The following CRTC1 variants were observed in gnomAD, a reference collection of about 807,000 sequenced individuals.
The protein encoded by CRTC1 is CREB regulated transcription coactivator 1, also known as CREB-regulated transcription coactivator 1.
A neutral mutation model predicts 66.1 loss-of-function variants in CRTC1; 18 were observed. The observed-to-expected ratio is 0.27, with a 90% CI of 0.19 to 0.40. CRTC1 has a LOEUF of 0.40. Ranked by LOEUF, CRTC1 falls within the 10% of genes least tolerant of loss-of-function variation. The pLI is 1.00. For synonymous variants in CRTC1, 416 were observed against 398.8 expected (o/e 1.04, Z -0.51); for missense variants, 669 against 887.9 (o/e 0.75, Z 3.13).
At chr19:18,722,747 G>C (rs1480958070) in intron 1 of CRTC1, among the ~76,000 whole-genome samples, 1 of 152,162 alleles carries the variant, frequency 6.6e-6, no homozygotes, top group Admixed American at 6.5e-5. Context: ...CCCAGAGGGA[G>C]ACCTCACCCC....
At chr19:18,683,895 C>G (rs1294010377) in intron 1 of CRTC1, 67 bp downstream of exon 1, 1 of 314,088 alleles carries the variant, frequency 3.2e-6, no homozygotes, top group Non-Finnish European at 4.2e-6. Context: ...GTGTCCGGCG[C>G]GTGCACGGGG....
Position 18,752,448 on chromosome 19 carries a change from A to G in CRTC1, c.539-1052A>G, listed in dbSNP as rs1012854344. ...AGCCCTCCACCTCAGCCTCTCGCAT[A>G]GCTGGGACTACAGGTGAGCACCACC... On this transcript the variant is annotated intron_variant, in intron 5 of 13. Transcript: ENST00000321949. Among the ~76,000 whole-genome samples, 4 of 152,040 alleles carry G rather than the reference A, an allele frequency of 2.6e-5. No homozygotes were observed. The East Asian group carries it at 7.7e-4, about 29-fold the overall frequency.
intron 1 of CRTC1, among the ~76,000 whole-genome samples, chr19:18,696,565 A>T (rs1276451592): frequency 6.6e-6 from 1 of 152,078 alleles, no homozygotes; most frequent in East Asian, 1.9e-4. Context: ...AGGAGCTGGG[A>T]CTTGAACCTG....
chr19:18,724,244 G>A (rs1182276475), intron 1 of CRTC1, among the ~76,000 whole-genome samples: 1 of 152,094 alleles, frequency 6.6e-6, no homozygotes, highest in African/African-American at 2.4e-5. Context: ...GGGGTGTGTG[G>A]GTGCGTGGGG....
At chr19:18,776,563 T>G (rs977901202) in intron 13 of CRTC1, among the ~76,000 whole-genome samples, 8 of 152,052 alleles carry the variant, frequency 5.3e-5, no homozygotes, top group Non-Finnish European at 1.0e-4. Context: ...CCCTCGGGTG[T>G]AGGCAGCAGT....
In CRTC1 at chr19:18,781,759, G is replaced by C. The variant is rs1334767573; in HGVS notation, c.*4377G>C. ...GGGGCAGGGGCTGGGCCTTGGGGTGGTGCTGGCTCTGATGATTCCAGAGCC... is the reference window on the plus strand; with the variant it reads ...GGGGCAGGGGCTGGGCCTTGGGGTGCTGCTGGCTCTGATGATTCCAGAGCC... On this transcript the variant is annotated 3_prime_UTR_variant, in exon 14 of 14. Transcript: ENST00000321949. The C allele has an allele frequency of 4.3e-5, 10 of 230,988 alleles. No individual in the cohort carries two copies. Among genetic ancestry groups the C allele is most frequent in the Non-Finnish European group, 6.9e-5 (8 of 116,672 alleles). 14.3% of individuals were successfully genotyped at this position (230,988 alleles called of 1,614,324 possible).
intron 1 of CRTC1, among the ~76,000 whole-genome samples, chr19:18,693,542 T>TAGA: frequency 6.8e-6 from 1 of 148,130 alleles, no homozygotes; most frequent in African/African-American, 2.5e-5. Flanking sequence ...AGTGCAGCGG[T>TAGA]GTGATCTCAG....
rs2054277680 is a variant in CRTC1 at position 18,747,727 on chromosome 19, A to AGAGT, written c.443+613_443+614insGAGT. Among the ~76,000 whole-genome samples, 3 of 152,208 alleles carry AGAGT rather than the reference A, an allele frequency of 2.0e-5. No homozygotes were observed. The South Asian group carries it at 6.2e-4, about 31-fold the overall frequency. The stretch of plus-strand genomic sequence containing the variant: ...TTCAGAGCAGGTACCCATGTTACTC[A>AGAGT]ACAGCCATTAAAAATGTGATGATAA... On this transcript the variant is annotated intron_variant, in intron 4 of 13. Transcript: ENST00000321949.
intron 1 of CRTC1, among the ~76,000 whole-genome samples, chr19:18,684,917 G>A (rs556049190): frequency 6.6e-6 from 1 of 152,198 alleles, no homozygotes; most frequent in South Asian, 2.1e-4. Flanking sequence ...CCTTCCTCTT[G>A]GGGCAGGGTG....
chr19:18,713,217 T>C (rs2053431021), intron 1 of CRTC1, among the ~76,000 whole-genome samples: 3 of 152,210 alleles, frequency 2.0e-5, no homozygotes, highest in African/African-American at 4.8e-5. Flanking sequence ...CATTCTGCTG[T>C]ATGGATGGAG....
At chr19:18,755,470 C>A (rs1275226909) in intron 6 of CRTC1, among the ~76,000 whole-genome samples, 2 of 151,722 alleles carry the variant, frequency 1.3e-5, no homozygotes, top group Non-Finnish European at 2.9e-5. Context: ...TGCTCTGTTG[C>A]CCATGCTGGA....
At chr19:18,728,853 C>T (rs149988248) in intron 1 of CRTC1, among the ~76,000 whole-genome samples, 6,043 of 112,246 alleles carry the variant, frequency 0.054, 211 homozygotes, top group Non-Finnish European at 0.077. Flanking sequence ...TGCTCTGTCG[C>T]CCAGGCTGGA....
chr19:18,765,333 G>T, intron 8 of CRTC1, 71 bp from the exon 9 acceptor site: 1 of 1,549,260 alleles, frequency 6.5e-7, no homozygotes, highest in South Asian at 1.2e-5. Flanking sequence ...GTGTGACTGT[G>T]GGTGTGTAAG....
chr19:18,751,851 G>C (rs1265996621), intron 5 of CRTC1, among the ~76,000 whole-genome samples: 1 of 152,136 alleles, frequency 6.6e-6, no homozygotes, highest in Non-Finnish European at 1.5e-5. Flanking sequence ...ATCAAGTGGT[G>C]GATGCGGAAC....
intron 1 of CRTC1, among the ~76,000 whole-genome samples, chr19:18,721,536 C>T (rs1311536434): frequency 6.7e-6 from 1 of 149,522 alleles, no homozygotes. Flanking sequence ...GCTCTGTCGC[C>T]CAGGCTGGAG....
At chr19:18,759,884 A>G in intron 7 of CRTC1, 124 bp from the exon 8 acceptor site, 1 of 821,112 alleles carries the variant, frequency 1.2e-6, no homozygotes, top group Non-Finnish European at 1.9e-6. Flanking sequence ...TGGTTTCCCA[A>G]GCACACGGCA....
intron 8 of CRTC1, among the ~76,000 whole-genome samples, chr19:18,764,197 G>C (rs1237698100): frequency 6.6e-6 from 1 of 152,188 alleles, no homozygotes; most frequent in Non-Finnish European, 1.5e-5. Context: ...CCACGCACCC[G>C]CCGTCTCATC....
chr19:18,735,694 G>A (rs926089503), intron 1 of CRTC1: 1 of 152,578 alleles, frequency 6.6e-6, no homozygotes, highest in Non-Finnish European at 1.5e-5. Context: ...TTTCACCCCT[G>A]GTGGCCCATC....
rs766348485 is a variant in CRTC1, at chr19:18,747,131, C to G, written c.443+17C>G. On this transcript the variant is annotated intron_variant, in intron 4 of 13. Transcript: ENST00000321949. ...CTGGAGAAGGTCAGTGGCTGGACACCCCCCCCCCGCCCCCTTCTTGTTGGA... is the reference window on the plus strand; with the variant it reads ...CTGGAGAAGGTCAGTGGCTGGACACGCCCCCCCCGCCCCCTTCTTGTTGGA... 3 of 759,318 alleles carry G rather than the reference C, an allele frequency of 4.0e-6. No individual in the cohort carries two copies. The highest frequency in any genetic ancestry group is 2.1e-5 in the Admixed American group (1 of 47,326). The allele number at this position is 759,318 out of a possible 1,614,324, so 47.0% of individuals were successfully genotyped here.
Sources: gnomAD v4.1 joint callset for allele counts (sites outside exome capture counted in the v4.1 genomes callset) on GRCh38, gnomAD v4.1.1 for gene constraint, MANE v1.5 for transcripts, NCBI Gene and HGNC (gene_info 2026-07-23, HGNC 2026-07-21) for gene names.